The following ERBIN variants were observed in gnomAD, a reference collection of about 807,000 sequenced individuals.
ERBIN encodes erbb2 interacting protein.
Under a neutral mutation model 158.4 loss-of-function variants are expected in ERBIN, and 60 were observed. That is an observed-to-expected ratio of 0.38 (90% CI 0.31 to 0.47). The LOEUF (loss-of-function observed/expected upper bound fraction) is 0.47, where lower values mean the gene tolerates loss of function less well. Ranked by LOEUF, ERBIN falls within the 20% of genes least tolerant of loss-of-function variation. ERBIN has a pLI of 0.99. For synonymous variants in ERBIN, 594 were observed against 557.2 expected (o/e 1.07, Z -0.93); for missense variants, 1,610 against 1,648.0 (o/e 0.98, Z 0.40).
intron 1 of ERBIN, among the ~76,000 whole-genome samples, chr5:65,987,395 CG>C (rs1407479627): frequency 6.0e-5 from 9 of 151,146 alleles, no homozygotes; most frequent in African/African-American, 1.9e-4. Flanking sequence ...CACACACACA[CG>C]AAAAAAGAAA....
chr5:66,030,173 G>A (rs1204264650), intron 14 of ERBIN, among the ~76,000 whole-genome samples: 1 of 151,986 alleles, frequency 6.6e-6, no homozygotes. Flanking sequence ...TGAGTAGCTG[G>A]GATTACAGGT....
chr5:65,958,607 C>G (rs971850194), intron 1 of ERBIN, among the ~76,000 whole-genome samples: 3 of 118,736 alleles, frequency 2.5e-5, no homozygotes, highest in Non-Finnish European at 5.0e-5. Context: ...AGAGGGAGAC[C>G]GTGGAAGGAG....
intron 1 of ERBIN, among the ~76,000 whole-genome samples, chr5:65,977,850 A>C (rs983757298): frequency 6.6e-6 from 1 of 151,934 alleles, no homozygotes; most frequent in Non-Finnish European, 1.5e-5. Context: ...ACGCCACTGC[A>C]CTCCAGCCTG....
intron 14 of ERBIN, among the ~76,000 whole-genome samples, chr5:66,033,937 C>T (rs779098788): frequency 1.3e-5 from 2 of 151,874 alleles, no homozygotes; most frequent in African/African-American, 2.4e-5. Context: ...GGGGAAATCC[C>T]GTCTCTACTG....
intron 10 of ERBIN, 90 bp from the exon 11 acceptor site, chr5:66,025,390 T>G: frequency 2.2e-6 from 2 of 929,676 alleles, no homozygotes; most frequent in Admixed American, 3.8e-5. Context: ...TTTCTAATTC[T>G]TGTCAGATGT....
At chr5:66,030,689 A>C (rs1756776335) in intron 14 of ERBIN, among the ~76,000 whole-genome samples, 1 of 151,722 alleles carries the variant, frequency 6.6e-6, no homozygotes, top group Non-Finnish European at 1.5e-5. Flanking sequence ...CAGCTTCCCA[A>C]GTAGCTGGGA....
intron 7 of ERBIN, among the ~76,000 whole-genome samples, chr5:66,017,048 ATAATAT>A (rs1383827033): frequency 1.3e-5 from 2 of 152,086 alleles, no homozygotes; most frequent in Non-Finnish European, 2.9e-5. Context: ...TTATGGCTGA[ATAATAT>A]TCCATTGTGT....
intron 1 of ERBIN, among the ~76,000 whole-genome samples, chr5:65,972,995 T>G (rs1580208074): frequency 1.3e-5 from 2 of 151,404 alleles, no homozygotes; most frequent in South Asian, 4.1e-4. Context: ...TCTGTTCAGT[T>G]TAGGGGAAAG....
Position 65,992,852 on chromosome 5 carries a change from A to G in ERBIN, c.134A>G (p.Glu45Gly). The change falls in exon 3 of 26, where the codon GAA (glutamate) becomes GGA (glycine). Residue 45 changes from glutamate to glycine, a missense_variant. Physicochemically the swap from Glu to Gly is moderately conservative, Grantham distance 98. Around this residue, in one of 2 missense-constraint regions of ERBIN, gnomAD observed 596 missense variants for 711.9 expected, o/e 0.84. Transcript: ENST00000284037. ...GTTCCGAAAGAGATTTTTACTTTTGAAAAAACCTTGGAGGAACTCTATTTA... is the reference window on the plus strand; with the variant it reads ...GTTCCGAAAGAGATTTTTACTTTTGGAAAAACCTTGGAGGAACTCTATTTA... ...EQVPKEIFTF[E>G]KTLEELYLDA... The G allele has an allele frequency of 1.2e-6, 2 of 1,613,348 alleles. No individual in the cohort carries two copies. The highest frequency in any genetic ancestry group is 1.7e-6 in the Non-Finnish European group (2 of 1,179,696).
chr5:66,048,530 ATT>A, intron 18 of ERBIN, 135 bp from the exon 19 acceptor site: 1 of 618,904 alleles, frequency 1.6e-6, no homozygotes, highest in Non-Finnish European at 2.9e-6. Flanking sequence ...ACTGGTTGTT[ATT>A]TTATTGCCGT....
chr5:66,045,907 CT>C (rs1758396217), intron 17 of ERBIN, among the ~76,000 whole-genome samples: 1 of 152,166 alleles, frequency 6.6e-6, no homozygotes, highest in Non-Finnish European at 1.5e-5. Context: ...GTTTCAGAAA[CT>C]TTCACAAATC....
At chr5:66,066,528 A>T (rs1199291625) in intron 21 of ERBIN, among the ~76,000 whole-genome samples, 2 of 150,698 alleles carry the variant, frequency 1.3e-5, no homozygotes, top group African/African-American at 2.5e-5. Context: ...AAAATAAAAA[A>T]AAAAAAACAA....
chr5:65,983,302 T>A (rs548488914), intron 1 of ERBIN, among the ~76,000 whole-genome samples: 2 of 152,332 alleles, frequency 1.3e-5, no homozygotes, highest in Admixed American at 6.5e-5. Context: ...TCCTTATTTC[T>A]TGTATATGTT....
chr5:66,078,135 A>T (rs1762184804), intron 25 of ERBIN, among the ~76,000 whole-genome samples: 1 of 152,320 alleles, frequency 6.6e-6, no homozygotes, highest in Non-Finnish European at 1.5e-5. Context: ...GTCACCTCAG[A>T]TACACATTAG....
chr5:65,980,878 C>A (rs3900823), intron 1 of ERBIN, among the ~76,000 whole-genome samples: 5 of 152,090 alleles, frequency 3.3e-5, no homozygotes, highest in Non-Finnish European at 7.4e-5. Context: ...CTATACTTTT[C>A]GATAACTTAC....
Position 66,054,893 on chromosome 5 carries a change from T to C in ERBIN, c.3575T>C (p.Val1192Ala), listed in dbSNP as rs2151242696. 6.2e-7 allele frequency: 1 copy of C among 1,613,940 alleles called. No individual in the cohort carries two copies. Among genetic ancestry groups the C allele is most frequent in the Non-Finnish European group, 8.5e-7 (1 of 1,179,932 alleles). ...SLLDPPGKSK[V>A]PRDWREQVLR... Reference sequence around the variant, plus strand: ...TTAGATCCTCCAGGAAAAAGTAAAGTTCCTCGTGACTGGAGAGAACAAGTA... The same window carrying C: ...TTAGATCCTCCAGGAAAAAGTAAAGCTCCTCGTGACTGGAGAGAACAAGTA... The change falls in exon 21 of 26, where the codon GTT becomes GCT. Residue 1192 changes from valine to alanine, a missense_variant. This residue lies in a region of ERBIN where 1,014 missense variants were observed against 936.1 expected (regional missense o/e 1.08). Coordinates refer to ENST00000284037, the MANE Select transcript of ERBIN (RefSeq NM_001253697.2).
chr5:66,029,832 G>A (rs890457531), intron 14 of ERBIN, among the ~76,000 whole-genome samples: 9 of 151,926 alleles, frequency 5.9e-5, no homozygotes, highest in African/African-American at 1.7e-4. Flanking sequence ...CTCATGATCC[G>A]CTTGTGTTGG....
At chr5:66,047,569 T>G (rs1758570797) in intron 18 of ERBIN, among the ~76,000 whole-genome samples, 1 of 152,014 alleles carries the variant, frequency 6.6e-6, no homozygotes, top group Non-Finnish European at 1.5e-5. Context: ...ATATCTGAAG[T>G]GTTTCTGATT....
At chr5:65,941,798 T>A (rs781510358) in intron 1 of ERBIN, among the ~76,000 whole-genome samples, 1 of 152,078 alleles carries the variant, frequency 6.6e-6, no homozygotes, top group Non-Finnish European at 1.5e-5. Context: ...TGGAGTGCAG[T>A]GGCACGATCT....
Sources: gnomAD v4.1 joint callset for allele counts (sites outside exome capture counted in the v4.1 genomes callset) on GRCh38, gnomAD v4.1.1 for gene constraint, gnomAD v4.1.1 regional missense constraint, MANE v1.5 for transcripts, NCBI Gene and HGNC (gene_info 2026-07-23, HGNC 2026-07-21) for gene names.